Variants in MAGI3 observed in about 807,000 individuals in gnomAD.
MAGI3 encodes membrane associated guanylate kinase, WW and PDZ domain containing 3, also known as membrane-associated guanylate kinase, WW and PDZ domain-containing protein 3.
MAGI3 carries 43 observed loss-of-function variants against 121.8 expected under a neutral mutation model. That is an observed-to-expected ratio of 0.35 (90% CI 0.28 to 0.46). The LOEUF (loss-of-function observed/expected upper bound fraction) is 0.46, where lower values mean the gene tolerates loss of function less well. Ranked by LOEUF, MAGI3 falls within the 20% of genes least tolerant of loss-of-function variation. The pLI is 1.00. For synonymous variants in MAGI3, 553 were observed against 639.3 expected (o/e 0.86, Z 2.04); for missense variants, 1,547 against 1,797.3 (o/e 0.86, Z 2.52).
intron 16 of MAGI3, among the ~76,000 whole-genome samples, chr1:113,662,804 T>C (rs1420555995): frequency 1.3e-5 from 2 of 152,256 alleles, no homozygotes; most frequent in African/African-American, 2.4e-5. Flanking sequence ...CATGTTGTTG[T>C]TGTTTTCTTT....
chr1:113,545,850 T>A (rs775552109), intron 1 of MAGI3, among the ~76,000 whole-genome samples: 27 of 149,112 alleles, frequency 1.8e-4, no homozygotes, highest in Non-Finnish European at 3.5e-4. Flanking sequence ...TTATGAAGAA[T>A]CTTTTCTTTG....
chr1:113,642,559 G>A (rs200062003), intron 10 of MAGI3, 43 bp downstream of exon 10: 30 of 1,556,822 alleles, frequency 1.9e-5, no homozygotes, highest in Admixed American at 9.3e-5. Context: ...GTGTTCAAGC[G>A]TTTATATCTA....
At chr1:113,532,126 A>G (rs1054619137) in intron 1 of MAGI3, among the ~76,000 whole-genome samples, 2 of 152,166 alleles carry the variant, frequency 1.3e-5, no homozygotes, top group Admixed American at 6.5e-5. Context: ...TCTTCACTGA[A>G]TTGAGTTAGG....
Position 113,458,948 on chromosome 1 carries a change from A to T in MAGI3, c.316+67599A>T, listed in dbSNP as rs947249437. Among the ~76,000 whole-genome samples the T allele has an allele frequency of 6.7e-4, 102 of 152,146 alleles. No homozygotes were observed. The Middle Eastern group carries it at 0.01, about 15-fold the overall frequency. On this transcript the variant is annotated intron_variant, in intron 1 of 20. Transcript: ENST00000307546. ...TAAGAATTTAACCATAGCAAACCCAATTTTTTTTATCCTGTAAGTTCCTGG... is the reference window on the plus strand; with the variant it reads ...TAAGAATTTAACCATAGCAAACCCATTTTTTTTTATCCTGTAAGTTCCTGG...
At chr1:113,538,758 A>G (rs952272877) in intron 1 of MAGI3, among the ~76,000 whole-genome samples, 3 of 152,116 alleles carry the variant, frequency 2.0e-5, no homozygotes, top group Non-Finnish European at 4.4e-5. Flanking sequence ...TTTTTCAAAC[A>G]TAGGTTTTAG....
Position 113,642,194 on chromosome 1 carries a change from G to T in MAGI3, c.1644G>T (p.Leu548Phe). The T allele has an allele frequency of 6.2e-7, 1 of 1,614,176 alleles. No individual in the cohort carries two copies. The highest frequency in any genetic ancestry group is 8.5e-7 in the Non-Finnish European group (1 of 1,180,038). Residue 548 changes from leucine to phenylalanine, a missense_variant, in exon 10 of 21, where the codon TTG (leucine) becomes TTT (phenylalanine). Physicochemically the swap from Leu to Phe is conservative, Grantham distance 22. Transcript: ENST00000307546. ...LEQNGKSGHT[L>F]TGDGLNGPSD... Reference sequence around the variant, plus strand: ...AGAATGGAAAATCGGGACACACTTTGACTGGTGATGGTCTCAATGGACCAT... The same window carrying T: ...AGAATGGAAAATCGGGACACACTTTTACTGGTGATGGTCTCAATGGACCAT...
chr1:113,653,297 A>AT (rs1653276322), intron 14 of MAGI3, among the ~76,000 whole-genome samples: 1 of 152,132 alleles, frequency 6.6e-6, no homozygotes, highest in Non-Finnish European at 1.5e-5. Flanking sequence ...TTTAGGAAGA[A>AT]TTTTTTTACT....
intron 6 of MAGI3, among the ~76,000 whole-genome samples, chr1:113,614,156 A>G (rs1650320054): frequency 6.6e-6 from 1 of 152,170 alleles, no homozygotes; most frequent in African/African-American, 2.4e-5. Context: ...TGAAATGACA[A>G]AAGTCCAAGG....
chr1:113,640,531 A>G (rs991895427), intron 9 of MAGI3, among the ~76,000 whole-genome samples: 2 of 152,182 alleles, frequency 1.3e-5, no homozygotes, highest in Non-Finnish European at 1.5e-5. Context: ...TATATACACT[A>G]TGGAATACTA....
chr1:113,439,821 C>A (rs1370108632), intron 1 of MAGI3, among the ~76,000 whole-genome samples: 1 of 151,014 alleles, frequency 6.6e-6, no homozygotes, highest in African/African-American at 2.4e-5. Context: ...TTATCTCCAT[C>A]TTATAGTTCA....
chr1:113,683,876 C>T lies in MAGI3; in HGVS notation c.4308C>T (p.Asp1436=), dbSNP rs774076029. 2 of 1,612,530 alleles carry T rather than the reference C, an allele frequency of 1.2e-6. No individual in the cohort carries two copies. Among genetic ancestry groups the T allele is most frequent in the Non-Finnish European group, 1.7e-6 (2 of 1,179,300 alleles). The part of the protein sequence containing the change: ...DHKGKELEAA[D]KNKETGRFKP... ...AAGGGAAAGAACTAGAGGCAGCTGA[C>T]AAAAACAAAGAGACTGGAAGGTTCA... The change falls in exon 21 of 21, where the codon GAC becomes GAT. Residue 1436 remains aspartate, a synonymous_variant. Coordinates refer to ENST00000307546, the MANE Select transcript of MAGI3 (RefSeq NM_001142782.2).
intron 19 of MAGI3, among the ~76,000 whole-genome samples, chr1:113,677,642 C>T (rs77131792): frequency 6.6e-6 from 1 of 152,164 alleles, no homozygotes; most frequent in African/African-American, 2.4e-5. Context: ...TTTAAAACGA[C>T]AAGACTGCCT....
Position 113,653,900 on chromosome 1 carries a change from G to C in MAGI3, c.2511G>C (p.Arg837=). 1 of 1,613,974 alleles carries C rather than the reference G, an allele frequency of 6.2e-7. No individual in the cohort carries two copies. The highest frequency in any genetic ancestry group is 8.5e-7 in the Non-Finnish European group (1 of 1,179,964). The change falls in exon 15 of 21, where the codon CGG becomes CGC. Residue 837 remains arginine, a synonymous_variant. Coordinates refer to ENST00000307546, the MANE Select transcript of MAGI3 (RefSeq NM_001142782.2). ...AGAATGGATCTCCCCGCCTGAACCG[G>C]GCAGAGGTCCCAGCCAGGCCTGCAC... ...STQNGSPRLN[R]AEVPARPAPQ... is the part of the protein sequence containing the mutation.
At chr1:113,569,418 CTG>C (rs1371121847) in intron 2 of MAGI3, among the ~76,000 whole-genome samples, 1 of 152,004 alleles carries the variant, frequency 6.6e-6, no homozygotes, top group African/African-American at 2.4e-5. Flanking sequence ...TTTATTTACT[CTG>C]TTATTTTTAA....
chr1:113,471,530 G>T (rs1655537259), intron 1 of MAGI3, among the ~76,000 whole-genome samples: 1 of 152,096 alleles, frequency 6.6e-6, no homozygotes. Flanking sequence ...AGGAAGACCT[G>T]CTTGAGGCTG....
intron 1 of MAGI3, among the ~76,000 whole-genome samples, chr1:113,516,696 T>A (rs1207896082): frequency 1.3e-5 from 2 of 151,966 alleles, no homozygotes; most frequent in African/African-American, 4.8e-5. Flanking sequence ...AACTCCCCAC[T>A]CCTTAGGTAT....
chr1:113,592,788 G>A (rs565213800), intron 5 of MAGI3, among the ~76,000 whole-genome samples: 1 of 151,998 alleles, frequency 6.6e-6, no homozygotes, highest in Non-Finnish European at 1.5e-5. Context: ...CGAGGCAGGC[G>A]GATTATGAGG....
intron 6 of MAGI3, among the ~76,000 whole-genome samples, chr1:113,610,578 A>G (rs1273235266): frequency 6.6e-6 from 1 of 152,066 alleles, no homozygotes; most frequent in Non-Finnish European, 1.5e-5. Context: ...CCTGCCTTCA[A>G]CAGATATGAC....
chr1:113,485,442 C>T (rs1656338426), intron 1 of MAGI3, among the ~76,000 whole-genome samples: 1 of 152,130 alleles, frequency 6.6e-6, no homozygotes, highest in South Asian at 2.1e-4. Context: ...TGCTTGTTGG[C>T]CGTTTGTATA....
Sources: allele counts gnomAD v4.1 joint callset (sites outside exome capture counted in the v4.1 genomes callset), GRCh38; gene constraint gnomAD v4.1.1; transcripts MANE v1.5; gene names NCBI Gene and HGNC (gene_info 2026-07-23, HGNC 2026-07-21).